Variants in CPM observed in about 807,000 individuals in gnomAD.
CPM encodes the protein carboxypeptidase M, also known as renal carboxypeptidase.
A neutral mutation model predicts 46.4 loss-of-function variants in CPM; 35 were observed. That is an observed-to-expected ratio of 0.75 (90% CI 0.58 to 1.00). CPM has a LOEUF of 1.00. Among genes scored for constraint, CPM ranks in the 50% least tolerant of loss-of-function variants. The probability of loss-of-function intolerance (pLI) is 0.00; values close to 1 mark genes in which losing one functional copy is unlikely to be tolerated. For synonymous variants in CPM, 195 were observed against 195.3 expected (o/e 1.00, Z 0.01); for missense variants, 422 against 530.4 (o/e 0.80, Z 2.01).
chr12:68,917,012 AC>A (rs1014970335), intron 2 of CPM, among the ~76,000 whole-genome samples: 1 of 151,838 alleles, frequency 6.6e-6, no homozygotes, highest in African/African-American at 2.4e-5. Flanking sequence ...TCAAGCAAAA[AC>A]CCTTAGGATT....
At chr12:68,957,475 T>G in intron 1 of CPM, 1 of 271,384 alleles carries the variant, frequency 3.7e-6, no homozygotes, top group East Asian at 1.0e-4. Context: ...GTTTCCAAAA[T>G]GCAGTTGAGA....
intron 2 of CPM, among the ~76,000 whole-genome samples, chr12:68,930,686 C>T (rs1461752842): frequency 2.0e-5 from 3 of 152,166 alleles, no homozygotes; most frequent in Non-Finnish European, 2.9e-5. Context: ...AGCCTTTAAC[C>T]GCAAGAGTGC....
At chr12:68,940,414 A>G (rs1047929570) in intron 1 of CPM, among the ~76,000 whole-genome samples, 2 of 151,022 alleles carry the variant, frequency 1.3e-5, no homozygotes, top group African/African-American at 4.9e-5. Context: ...TCATGGCCCT[A>G]GTGATCCCCT....
intron 3 of CPM, among the ~76,000 whole-genome samples, chr12:68,882,824 C>T (rs1886253211): frequency 6.6e-6 from 1 of 152,144 alleles, no homozygotes; most frequent in Non-Finnish European, 1.5e-5. Context: ...TGTTGTTAGA[C>T]ACTTTTTCAT....
intron 1 of CPM, among the ~76,000 whole-genome samples, chr12:68,961,933 G>A (rs1013045648): frequency 1.3e-5 from 2 of 152,092 alleles, no homozygotes; most frequent in East Asian, 3.8e-4. Context: ...GGGCGTGGTG[G>A]CTCATGTCTG....
intron 7 of CPM, among the ~76,000 whole-genome samples, chr12:68,865,574 T>C (rs1885402750): frequency 6.6e-6 from 1 of 152,288 alleles, no homozygotes; most frequent in South Asian, 2.1e-4. Context: ...TATGCAGTTA[T>C]GCAGTAGGCC....
intron 3 of CPM, among the ~76,000 whole-genome samples, chr12:68,883,603 A>C (rs1886294216): frequency 6.6e-6 from 1 of 152,182 alleles, no homozygotes; most frequent in Non-Finnish European, 1.5e-5. Flanking sequence ...ACGATACACC[A>C]GACAACAAGA....
At chr12:68,888,945 A>G (rs1390691001) in intron 2 of CPM, among the ~76,000 whole-genome samples, 3 of 152,236 alleles carry the variant, frequency 2.0e-5, no homozygotes, top group Non-Finnish European at 2.9e-5. Context: ...GGACTTCAGG[A>G]GAAAGAAGAA....
intron 3 of CPM, among the ~76,000 whole-genome samples, chr12:68,883,933 T>TA (rs34696352): frequency 0.28 from 38,431 of 136,332 alleles, 5,393 homozygotes; most frequent in Middle Eastern, 0.35. Flanking sequence ...CCATCTCTAC[T>TA]AAAAAAAAAA....
At chr12:68,945,679 C>T (rs1214912559) in intron 1 of CPM, among the ~76,000 whole-genome samples, 1 of 152,026 alleles carries the variant, frequency 6.6e-6, no homozygotes, top group Non-Finnish European at 1.5e-5. Context: ...TACAAGAGAC[C>T]TAATGCAAGG....
At chr12:68,895,417 AGTCACAACT>A (rs1336304494) in intron 2 of CPM, among the ~76,000 whole-genome samples, 2 of 152,216 alleles carry the variant, frequency 1.3e-5, no homozygotes, top group Non-Finnish European at 2.9e-5. Context: ...CAGGGAGCAG[AGTCACAACT>A]GTTCAATAAT....
chr12:68,847,806 G>A (rs1366581230), downstream of CPM: 5 of 152,196 alleles, frequency 3.3e-5, no homozygotes, highest in African/African-American at 1.2e-4. Flanking sequence ...AGTAAAGGAT[G>A]TTGATTGGCA....
intron 2 of CPM, chr12:68,913,923 T>G: frequency 1.4e-6 from 1 of 717,302 alleles, no homozygotes; most frequent in Non-Finnish European, 2.6e-6. Flanking sequence ...GAATTTACAG[T>G]CACATGACCT....
chr12:68,851,622 AAAG>A lies in CPM; in HGVS notation c.*4812_*4814del, dbSNP rs1218708991. 2 of 152,066 alleles carry A rather than the reference AAAG, an allele frequency of 1.3e-5. No individual in the cohort carries two copies. Among genetic ancestry groups the A allele is most frequent in the South Asian group, 2.1e-4 (1 of 4,834 alleles). The allele number at this position is 152,066 out of a possible 1,614,324, so 9.4% of individuals were successfully genotyped here. ...CGAGACTCCGTCTCAAAAAAAAAAA[AAAG>A]AAATAAAAAAAGTTACCAGGAAAAC... On this transcript the variant is annotated 3_prime_UTR_variant, in exon 9 of 9. Transcript: ENST00000551568.
chr12:68,913,936 G>A, intron 2 of CPM: 1 of 718,822 alleles, frequency 1.4e-6, no homozygotes, highest in South Asian at 1.4e-5. Context: ...CATGACCTGT[G>A]CTACAGATAC....
At chr12:68,962,211 A>AAAAAAC (rs146084145) in intron 1 of CPM, among the ~76,000 whole-genome samples, 2 of 4,924 alleles carry the variant, frequency 4.1e-4, no homozygotes, top group African/African-American at 6.3e-4. Flanking sequence ...AAAAAAAAAA[A>AAAAAAC]AAAAAAACCA....
chr12:68,906,117 T>C (rs765309828), intron 2 of CPM, among the ~76,000 whole-genome samples: 1 of 152,216 alleles, frequency 6.6e-6, no homozygotes. Context: ...AGCCTAGTCA[T>C]TCTCAAGTCA....
intron 1 of CPM, among the ~76,000 whole-genome samples, chr12:68,958,668 T>C (rs572277417): frequency 5.9e-5 from 9 of 152,302 alleles, no homozygotes; most frequent in African/African-American, 2.2e-4. Context: ...CTCTGGCACC[T>C]GTAGTCTAGT....
chr12:68,847,196 T>TTTTATATATATATA (rs1884365281), downstream of CPM: 1 of 92,080 alleles, frequency 1.1e-5, no homozygotes, highest in African/African-American at 5.9e-5. Flanking sequence ...TGTGTGTACA[T>TTTTATATATATATA]TATATATATA....
Sources: gnomAD v4.1 joint callset for allele counts (sites outside exome capture counted in the v4.1 genomes callset) on GRCh38, gnomAD v4.1.1 for gene constraint, MANE v1.5 for transcripts, NCBI Gene and HGNC (gene_info 2026-07-23, HGNC 2026-07-21) for gene names.